GLP1R: variants seen among roughly 807,000 people sequenced by gnomAD.
GLP1R encodes glucagon like peptide 1 receptor.
Under a neutral mutation model 68.4 loss-of-function variants are expected in GLP1R, and 32 were observed. The ratio of observed to expected loss-of-function variants is 0.47; its 90% confidence interval spans 0.35 to 0.63. The LOEUF (loss-of-function observed/expected upper bound fraction) is 0.63, where lower values mean the gene tolerates loss of function less well. Among genes scored for constraint, GLP1R ranks in the 20% least tolerant of loss-of-function variants. The probability of loss-of-function intolerance (pLI) is 0.00; values close to 1 mark genes in which losing one functional copy is unlikely to be tolerated. For missense variants in GLP1R, 502 were observed against 594.9 expected (o/e 0.84, Z 1.62); for synonymous variants, 263 against 244.4 (o/e 1.08, Z -0.71).
chr6:39,081,896 G>T (rs79510864), intron 12 of GLP1R, among the ~76,000 whole-genome samples: 91 of 152,262 alleles, frequency 6.0e-4, no homozygotes, highest in African/African-American at 1.8e-3. Context: ...GTCTGAAAAA[G>T]GTGCGAAAGG....
chr6:39,084,699 G>A (rs1227434010), intron 12 of GLP1R, among the ~76,000 whole-genome samples: 1 of 152,208 alleles, frequency 6.6e-6, no homozygotes, highest in East Asian at 1.9e-4. Context: ...TTGGGTTCAT[G>A]ACGCTGCATG....
chr6:39,090,056 C>G lies in GLP1R; in HGVS notation c.*3983C>G, dbSNP rs1769245196. 6.6e-6 allele frequency among the ~76,000 whole-genome samples: 1 copy of G among 152,134 alleles called. No individual in the cohort carries two copies. The highest frequency in any genetic ancestry group is 2.4e-5 in the African/African-American group (1 of 41,428). On this transcript the variant is annotated 3_prime_UTR_variant, in exon 13 of 13. Transcript: ENST00000373256. ...CCCTCTTTTGTGGCTGGAATGAGTT[C>G]CCCTGGGAAAGAAAATCGCCCAAGT...
intron 5 of GLP1R, among the ~76,000 whole-genome samples, chr6:39,068,061 G>A (rs1290145768): frequency 1.3e-5 from 2 of 152,024 alleles, no homozygotes; most frequent in Admixed American, 6.5e-5. Context: ...ACCGATGTAA[G>A]AGACCATTAA....
intron 1 of GLP1R, among the ~76,000 whole-genome samples, chr6:39,050,315 TA>T (rs1167934169): frequency 3.5e-4 from 53 of 152,096 alleles, no homozygotes; most frequent in African/African-American, 1.1e-3. Flanking sequence ...TGGGTTGGGA[TA>T]GGGGTGGAGG....
intron 5 of GLP1R, among the ~76,000 whole-genome samples, chr6:39,070,058 C>A (rs998214485): frequency 6.6e-6 from 1 of 152,008 alleles, no homozygotes; most frequent in African/African-American, 2.4e-5. Flanking sequence ...GGCAAAAGGG[C>A]AAAAAGGGCT....
At chr6:39,055,613 G>A (rs1768191728) in intron 1 of GLP1R, among the ~76,000 whole-genome samples, 1 of 152,098 alleles carries the variant, frequency 6.6e-6, no homozygotes, top group Non-Finnish European at 1.5e-5. Context: ...TCAGTGTTCT[G>A]GAACCTCCCT....
intron 12 of GLP1R, among the ~76,000 whole-genome samples, chr6:39,082,553 C>T (rs945045927): frequency 1.3e-5 from 2 of 152,126 alleles, no homozygotes; most frequent in African/African-American, 2.4e-5. Flanking sequence ...GGAACAGGCT[C>T]GTGACCCACA....
chr6:39,053,073 G>T (rs535187050), intron 1 of GLP1R, among the ~76,000 whole-genome samples: 3 of 152,256 alleles, frequency 2.0e-5, no homozygotes, highest in South Asian at 2.1e-4. Context: ...ATCCCATGAA[G>T]CCTGTCAAGT....
At chr6:39,076,277 G>A (rs148545721) in intron 7 of GLP1R, among the ~76,000 whole-genome samples, 19 of 152,246 alleles carry the variant, frequency 1.2e-4, no homozygotes, top group African/African-American at 3.1e-4. Context: ...CCCATCATTC[G>A]TTCCATTCTC....
chr6:39,083,499 TG>T (rs886349822), intron 12 of GLP1R, among the ~76,000 whole-genome samples: 17 of 151,898 alleles, frequency 1.1e-4, no homozygotes, highest in Non-Finnish European at 1.8e-4. Flanking sequence ...TGGGCGTGAG[TG>T]GGGACAGGGA....
intron 7 of GLP1R, among the ~76,000 whole-genome samples, chr6:39,074,998 A>G (rs2150833483): frequency 6.6e-6 from 1 of 151,980 alleles, no homozygotes; most frequent in East Asian, 2.0e-4. Context: ...CAGTGTCTTG[A>G]GGACACCAAG....
intron 3 of GLP1R, 132 bp from the exon 4 acceptor site, chr6:39,065,579 G>A: frequency 1.7e-6 from 1 of 604,086 alleles, no homozygotes; most frequent in Non-Finnish European, 3.0e-6. Context: ...GGAAAAGGAT[G>A]TCACTAACTC....
rs900634625 is a variant in GLP1R, at chr6:39,088,250, T to C, written c.*2177T>C. Among the ~76,000 whole-genome samples the C allele has an allele frequency of 3.3e-5, 5 of 152,104 alleles. No homozygotes were observed. The highest frequency in any genetic ancestry group is 9.7e-5 in the African/African-American group (4 of 41,412). On this transcript the variant is annotated 3_prime_UTR_variant, in exon 13 of 13. Transcript: ENST00000373256. ...TTTTCCTTCATGAATACATACAAGA[T>C]ACCGAACTGAAGAAATCTTTTCTTT...
chr6:39,051,101 G>A (rs1015506893), intron 1 of GLP1R, among the ~76,000 whole-genome samples: 33 of 152,260 alleles, frequency 2.2e-4, no homozygotes, highest in Middle Eastern at 3.4e-3. Flanking sequence ...CCCTGGTGAG[G>A]GAGCGGGCCT....
intron 1 of GLP1R, among the ~76,000 whole-genome samples, chr6:39,053,512 G>GTCAC (rs1768136454): frequency 6.6e-6 from 1 of 152,160 alleles, no homozygotes; most frequent in Non-Finnish European, 1.5e-5. Flanking sequence ...AGGAAGCCTG[G>GTCAC]TCACTCCCTC....
At chr6:39,055,536 C>T (rs1406356246) in intron 1 of GLP1R, among the ~76,000 whole-genome samples, 3 of 152,340 alleles carry the variant, frequency 2.0e-5, no homozygotes, top group Non-Finnish European at 4.4e-5. Flanking sequence ...GGTGACCTCA[C>T]TGGAAGTGGA....
intron 2 of GLP1R, among the ~76,000 whole-genome samples, chr6:39,056,837 C>A (rs1212624408): frequency 2.6e-5 from 4 of 152,202 alleles, no homozygotes; most frequent in African/African-American, 9.7e-5. Flanking sequence ...TCCTTCCCTG[C>A]ACCGCCGGCC....
chr6:39,051,790 C>G (rs1768094395), intron 1 of GLP1R, among the ~76,000 whole-genome samples: 1 of 151,524 alleles, frequency 6.6e-6, no homozygotes, highest in Admixed American at 6.6e-5. Flanking sequence ...GAATGAGTCC[C>G]TGTGTGTGCA....
rs377706361 is a variant in GLP1R, at chr6:39,065,841, C to T, written c.402+12C>T. 36 of 1,522,484 alleles carry T rather than the reference C, an allele frequency of 2.4e-5. No homozygotes were observed. Among genetic ancestry groups the T allele is most frequent in the Non-Finnish European group, 2.5e-5 (28 of 1,099,240 alleles). The allele number at this position is 1,522,484 out of a possible 1,614,324, so 94.3% of individuals were successfully genotyped here. A position where few individuals can be genotyped will look rare whatever the true frequency, so the allele number is the denominator to read the frequency against. ...AGCGAGGGGAAAGAGTGAGTTGAGG[C>T]GGGGTTCTGAGCCAGGGAGCGGGGA... On this transcript the variant is annotated intron_variant, in intron 4 of 12. Transcript: ENST00000373256.
Sources: allele counts gnomAD v4.1 joint callset (sites outside exome capture counted in the v4.1 genomes callset), GRCh38; gene constraint gnomAD v4.1.1; transcripts MANE v1.5; gene names NCBI Gene and HGNC (gene_info 2026-07-23, HGNC 2026-07-21).